The following IQCH variants were observed in gnomAD, a reference collection of about 807,000 sequenced individuals.
The protein encoded by IQCH is IQ motif containing H, also known as IQ domain-containing protein H.
A neutral mutation model predicts 117.0 loss-of-function variants in IQCH; 98 were observed. That is an observed-to-expected ratio of 0.84 (90% CI 0.71 to 0.99). The LOEUF (loss-of-function observed/expected upper bound fraction) is 0.99. Ranked by LOEUF, IQCH falls within the 50% of genes least tolerant of loss-of-function variation. IQCH has a pLI of 0.00. For missense variants in IQCH, 1,102 were observed against 1,243.8 expected, an observed-to-expected ratio of 0.89 and a Z score of 1.72; for synonymous variants, 412 against 448.2, an observed-to-expected ratio of 0.92 and a Z score of 1.02.
chr15:67,442,855 G>GAT (rs1567193159), intron 16 of IQCH, among the ~76,000 whole-genome samples: 2 of 140,592 alleles, frequency 1.4e-5, no homozygotes, highest in African/African-American at 5.8e-5. Flanking sequence ...TAGATAGATA[G>GAT]ATAGATAGAT....
At position 67,397,845 on chromosome 15, in the gene IQCH, T is replaced by C. The variant is rs139333057; in HGVS notation, c.1906-2269T>C. Among the ~76,000 whole-genome samples the C allele has an allele frequency of 6.0e-4, 91 of 152,334 alleles. 6 individuals carry two copies. The East Asian group carries it at 6.0e-3, about 10-fold the overall frequency. Reference sequence around the variant, plus strand: ...TGTTTAGGATTAATTTGTTTAAATCTAGCATGAACACAGTGAGCATTTCCT... The same window carrying C: ...TGTTTAGGATTAATTTGTTTAAATCCAGCATGAACACAGTGAGCATTTCCT... On this transcript the variant is annotated intron_variant, in intron 13 of 20. Coordinates refer to ENST00000335894, the MANE Select transcript of IQCH (RefSeq NM_001031715.3).
At chr15:67,337,147 A>G (rs780184771) in intron 5 of IQCH, 52 bp downstream of exon 5, 38 of 1,603,588 alleles carry the variant, frequency 2.4e-5, no homozygotes, top group Admixed American at 1.7e-5. Context: ...AAGAAAGAGC[A>G]TTGAGGTAGG....
chr15:67,320,508 T>G (rs1041400135), intron 4 of IQCH, among the ~76,000 whole-genome samples: 1 of 152,150 alleles, frequency 6.6e-6, no homozygotes, highest in African/African-American at 2.4e-5. Context: ...TTTTCCAGAT[T>G]AAAATTTCTG....
chr15:67,372,845 T>C (rs900544668), intron 9 of IQCH, among the ~76,000 whole-genome samples, 183 bp downstream of exon 9: 1 of 152,040 alleles, frequency 6.6e-6, no homozygotes, highest in African/African-American at 2.4e-5. Context: ...TTGTGCATCA[T>C]AGTTTAGCCC....
rs1311907332 is a variant in IQCH at position 67,395,118 on chromosome 15, G to C, written c.1633-173G>C. On this transcript the variant is annotated intron_variant, in intron 12 of 20. Coordinates refer to ENST00000335894, the MANE Select transcript of IQCH (RefSeq NM_001031715.3). This position sits in a 1 kb window ranked among gnomAD's most constrained non-coding sequence, Gnocchi z 4.0. ...TTTCCAACACACTAAAGATGTGAGCGATTATGGAACCTCACCCCAACAGCT... is the reference window on the plus strand; with the variant it reads ...TTTCCAACACACTAAAGATGTGAGCCATTATGGAACCTCACCCCAACAGCT... Among the ~76,000 whole-genome samples, 2 of 152,092 alleles carry C rather than the reference G, an allele frequency of 1.3e-5. No homozygotes were observed. The highest frequency in any genetic ancestry group is 4.8e-5 in the African/African-American group (2 of 41,406).
rs2081501205 is a variant in IQCH, at chr15:67,413,478, A to G, written c.2098-3453A>G. ...GATAAAATAAAATGAAGCTTTTACC[A>G]AGAATGTCATTTTTCTGACCTTACT... is the stretch of plus-strand genomic sequence containing the variant. On this transcript the variant is annotated intron_variant, in intron 14 of 20. Transcript: ENST00000335894. The surrounding 1 kb of genome is among the most constrained non-coding windows in gnomAD (Gnocchi z 5.0). The G allele has an allele frequency of 6.6e-6, 1 of 152,144 alleles. No individual in the cohort carries two copies. Among genetic ancestry groups the G allele is most frequent in the African/African-American group, 2.4e-5 (1 of 41,422 alleles). 9.4% of individuals were successfully genotyped at this position (152,144 alleles called of 1,614,324 possible).
chr15:67,294,048 C>T (rs919125993), intron 4 of IQCH, among the ~76,000 whole-genome samples: 3 of 152,144 alleles, frequency 2.0e-5, no homozygotes, highest in East Asian at 1.9e-4. Flanking sequence ...AAAACATGCT[C>T]TTGTAGAGCC....
rs1247422653 is a variant in IQCH at position 67,342,886 on chromosome 15, C to G, written c.509-1177C>G. On this transcript the variant is annotated intron_variant, in intron 5 of 20. Coordinates refer to ENST00000335894, the MANE Select transcript of IQCH (RefSeq NM_001031715.3). The surrounding 1 kb of genome is among the most constrained non-coding windows in gnomAD (Gnocchi z 4.7). Reference sequence around the variant, plus strand: ...CTGGAGCCTTCAATAATGCAGATTCCCAGGCCCTGTCCTCAGAAGTTTGGA... The same window carrying G: ...CTGGAGCCTTCAATAATGCAGATTCGCAGGCCCTGTCCTCAGAAGTTTGGA... 6.6e-6 allele frequency among the ~76,000 whole-genome samples: 1 copy of G among 152,056 alleles called. No individual in the cohort carries two copies. The highest frequency in any genetic ancestry group is 1.5e-5 in the Non-Finnish European group (1 of 68,018).
rs553702148 is a variant in IQCH, at chr15:67,496,572, C to T, written c.2970+2206C>T. On this transcript the variant is annotated intron_variant, in intron 20 of 20. Coordinates refer to ENST00000335894, the MANE Select transcript of IQCH (RefSeq NM_001031715.3). This position sits in a 1 kb window ranked among gnomAD's most constrained non-coding sequence, Gnocchi z 4.4. ...AAAAGGAAATAAAAGGCGCTGGGTG[C>T]AGTGGCCCCCACCTGTAATCCCAGC... Among the ~76,000 whole-genome samples the T allele has an allele frequency of 4.4e-4, 67 of 152,158 alleles. No individual in the cohort carries two copies. The highest frequency in any genetic ancestry group is 1.6e-3 in the African/African-American group (66 of 41,520).
intron 4 of IQCH, among the ~76,000 whole-genome samples, chr15:67,332,046 A>G (rs1968689833): frequency 2.6e-5 from 4 of 152,198 alleles, no homozygotes. Flanking sequence ...GTACCACAAT[A>G]TGAAAGATAA....
intron 3 of IQCH, among the ~76,000 whole-genome samples, chr15:67,278,192 A>G (rs772504509): frequency 1.3e-5 from 2 of 152,222 alleles, no homozygotes; most frequent in Non-Finnish European, 2.9e-5. Context: ...CCTTCATTAC[A>G]GAGAACGGAA....
At chr15:67,392,393 G>C (rs1329649915) in intron 12 of IQCH, among the ~76,000 whole-genome samples, 2 of 152,136 alleles carry the variant, frequency 1.3e-5, no homozygotes, top group Non-Finnish European at 2.9e-5. Flanking sequence ...TAACCAGATG[G>C]GAAAGACAAA....
chr15:67,281,655 T>G (rs571104934), intron 4 of IQCH: 190 of 454,024 alleles, frequency 4.2e-4, no homozygotes, highest in Middle Eastern at 4.1e-3. Context: ...GGGGAGGCCT[T>G]GGCAGCATTG....
At chr15:67,484,477 T>C (rs933514395) in intron 18 of IQCH, among the ~76,000 whole-genome samples, 4 of 149,260 alleles carry the variant, frequency 2.7e-5, no homozygotes, top group Admixed American at 6.7e-5. Flanking sequence ...ATCCCTGTAA[T>C]CCCAGCACTT....
intron 10 of IQCH, among the ~76,000 whole-genome samples, chr15:67,382,564 T>C (rs1395156025): frequency 6.6e-6 from 1 of 152,236 alleles, no homozygotes; most frequent in Non-Finnish European, 1.5e-5. Context: ...CCAAAGCTCT[T>C]TGTCCCTTCT....
chr15:67,375,850 G>A (rs1489820328), intron 10 of IQCH, among the ~76,000 whole-genome samples: 1 of 144,534 alleles, frequency 6.9e-6, no homozygotes, highest in African/African-American at 2.6e-5. Context: ...GCAGTGGTGC[G>A]ATCTCGGCTC....
chr15:67,388,756 C>A lies in IQCH; in HGVS notation c.1457-75C>A. 3.1e-6 allele frequency: 4 copies of A among 1,284,754 alleles called. No homozygotes were observed. The highest frequency in any genetic ancestry group is 1.3e-5 in the South Asian group (1 of 77,676). 79.6% of individuals were successfully genotyped at this position (1,284,754 alleles called of 1,614,324 possible). ...ATGCTCTTTATTTTAAACTGCACAA[C>A]ACCAATCGGATGCCAGAGTTCATAA... On this transcript the variant is annotated intron_variant, in intron 11 of 20. Transcript: ENST00000335894. The surrounding 1 kb of genome is among the most constrained non-coding windows in gnomAD (Gnocchi z 5.5).
At position 67,395,312 on chromosome 15, in the gene IQCH, A is replaced by G. The variant is rs1971426314; in HGVS notation, c.1654A>G (p.Thr552Ala). ...CCAGAAGCATCATATGTGCCTGGCC[A>G]CTCACCTGATGTACAGTCCCAAGGC... ...IFPKHHMCLA[T>A]HLMYSPKAIK... is the part of the protein sequence containing the mutation. Residue 552 changes from threonine (T) to alanine (A), a missense_variant, in exon 13 of 21, where the codon ACT becomes GCT. Physicochemically the swap from Thr to Ala is moderately conservative, Grantham distance 58. This residue lies in a region of IQCH where 650 missense variants were observed against 794.3 expected (regional missense o/e 0.82). Coordinates refer to ENST00000335894, the MANE Select transcript of IQCH (RefSeq NM_001031715.3). This position sits in a 1 kb window ranked among gnomAD's most constrained non-coding sequence, Gnocchi z 4.0. 6.2e-7 allele frequency: 1 copy of G among 1,613,466 alleles called. No individual in the cohort carries two copies. The highest frequency in any genetic ancestry group is 8.5e-7 in the Non-Finnish European group (1 of 1,179,498).
rs888920812 is a variant in IQCH, at chr15:67,424,298, A to G, written c.2505+2721A>G. ...CTAGTTAGCCCCTTTTCCAGCCATC[A>G]CATTTCAGCTCAAGCCACATTGACT... is the stretch of plus-strand genomic sequence containing the variant. On this transcript the variant is annotated intron_variant, in intron 16 of 20. Transcript: ENST00000335894. This position sits in a 1 kb window ranked among gnomAD's most constrained non-coding sequence, Gnocchi z 4.9. 2.6e-5 allele frequency among the ~76,000 whole-genome samples: 4 copies of G among 152,144 alleles called. No homozygotes were observed. Among genetic ancestry groups the G allele is most frequent in the Non-Finnish European group, 2.9e-5 (2 of 68,022 alleles).
Sources: allele counts gnomAD v4.1 joint callset (sites outside exome capture counted in the v4.1 genomes callset), GRCh38; gene constraint gnomAD v4.1.1; regional missense constraint gnomAD v4.1.1; non-coding constraint Gnocchi (gnomAD v3.1); transcripts MANE v1.5; gene names NCBI Gene and HGNC (gene_info 2026-07-23, HGNC 2026-07-21).